Variants in ATRX observed in about 807,000 individuals in gnomAD.
ATRX encodes chromatin remodeler ATRX.
Under a neutral mutation model 172.6 loss-of-function variants are expected in ATRX, and 12 were observed. The observed-to-expected ratio is 0.07, with a 90% CI of 0.04 to 0.11. The LOEUF is 0.11. Among genes scored for constraint, ATRX ranks in the 10% least tolerant of loss-of-function variants. The pLI is 1.00. For synonymous variants in ATRX, 674 were observed against 594.7 expected, an observed-to-expected ratio of 1.13 and a Z score of -1.94; for missense variants, 1,368 against 1,767.4, an observed-to-expected ratio of 0.77 and a Z score of 4.05.
intron 30 of ATRX, among the ~76,000 whole-genome samples, chrX:77,550,244 A>T (rs1457980204): frequency 8.9e-6 from 1 of 111,912 alleles, no homozygotes; most frequent in African/African-American, 3.2e-5. Context: ...AAGTCTAGAT[A>T]AAAGTGCCAA....
At chrX:77,620,579 T>C in intron 19 of ATRX, 47 bp from the exon 20 acceptor site, 3 of 1,066,731 alleles carry the variant, frequency 2.8e-6, no homozygotes, top group Non-Finnish European at 3.8e-6. Context: ...ATAATAAAAC[T>C]GAAAATGTGA....
intron 1 of ATRX, among the ~76,000 whole-genome samples, chrX:77,781,408 C>T (rs1338492878): frequency 2.1e-5 from 2 of 96,552 alleles, no homozygotes; most frequent in Non-Finnish European, 4.1e-5. Flanking sequence ...TGCCACTGTA[C>T]TCCAGCCTGG....
intron 6 of ATRX, among the ~76,000 whole-genome samples, chrX:77,692,008 T>C (rs782306310): frequency 1.8e-5 from 2 of 111,908 alleles, no homozygotes; most frequent in African/African-American, 3.2e-5. Flanking sequence ...CTGAAACTTA[T>C]CAGCTGAGAC....
chrX:77,729,005 C>A (rs782368309), intron 1 of ATRX, among the ~76,000 whole-genome samples: 25 of 108,295 alleles, frequency 2.3e-4, no homozygotes, highest in Admixed American at 2.0e-3. Flanking sequence ...CATGTTCCAC[C>A]TGCCTCAGCC....
intron 1 of ATRX, among the ~76,000 whole-genome samples, chrX:77,766,765 C>T (rs1342620085): frequency 1.7e-4 from 18 of 108,316 alleles, no homozygotes; most frequent in African/African-American, 6.0e-4. Flanking sequence ...GGGCTCCTCA[C>T]ATCCCAGACG....
chrX:77,516,975 A>T (rs1265988695), intron 34 of ATRX, among the ~76,000 whole-genome samples: 1 of 111,572 alleles, frequency 9.0e-6, no homozygotes, highest in Non-Finnish European at 1.9e-5. Flanking sequence ...ATGCTCCTGA[A>T]TGACCAGTGG....
chrX:77,783,795 A>T (rs782228646), intron 1 of ATRX, among the ~76,000 whole-genome samples: 2 of 111,720 alleles, frequency 1.8e-5, no homozygotes, highest in Non-Finnish European at 3.8e-5. Flanking sequence ...CTGAACACCT[A>T]CTTGGAGCTC....
intron 2 of ATRX, 23 bp from the exon 3 acceptor site, chrX:77,698,652 C>T (rs782368230): frequency 8.8e-7 from 1 of 1,137,307 alleles, no homozygotes; most frequent in South Asian, 1.8e-5. Flanking sequence ...AAATAAAGAA[C>T]ATTATTTATC....
chrX:77,584,636 C>T (rs1602653892), intron 27 of ATRX, among the ~76,000 whole-genome samples: 1 of 111,288 alleles, frequency 9.0e-6, no homozygotes, highest in East Asian at 2.8e-4. Context: ...CCCTATCTCT[C>T]GCCATATATA....
At chrX:77,775,740 T>TTTAC (rs1248671894) in intron 1 of ATRX, among the ~76,000 whole-genome samples, 1 of 110,180 alleles carries the variant, frequency 9.1e-6, no homozygotes, top group Non-Finnish European at 1.9e-5. Flanking sequence ...TATTTATTTA[T>TTTAC]TTATTTATTT....
intron 13 of ATRX, 44 bp downstream of exon 13, chrX:77,656,516 A>G (rs782101001): frequency 2.0e-6 from 2 of 1,003,148 alleles, no homozygotes; most frequent in African/African-American, 1.9e-5. Flanking sequence ...AGGCATGGTC[A>G]TTCAGATTAA....
intron 30 of ATRX, 107 bp downstream of exon 30, chrX:77,557,344 G>T: frequency 1.3e-6 from 1 of 761,320 alleles, no homozygotes; most frequent in Non-Finnish European, 2.0e-6. Flanking sequence ...TATTATCCTT[G>T]AAAAATTCTG....
At chrX:77,710,875 C>T (rs1431939394) in intron 2 of ATRX, among the ~76,000 whole-genome samples, 1 of 109,007 alleles carries the variant, frequency 9.2e-6, no homozygotes, top group African/African-American at 3.3e-5. Context: ...TTCTGTATCT[C>T]AACTGTGGTG....
intron 6 of ATRX, among the ~76,000 whole-genome samples, chrX:77,689,658 A>G (rs958165363): frequency 8.0e-5 from 9 of 112,348 alleles, no homozygotes; most frequent in African/African-American, 2.6e-4. Flanking sequence ...AAGAAAACCT[A>G]CAGAAACCTC....
At chrX:77,720,113 G>A (rs2073668461) in intron 1 of ATRX, among the ~76,000 whole-genome samples, 1 of 111,897 alleles carries the variant, frequency 8.9e-6, no homozygotes, top group Non-Finnish European at 1.9e-5. Context: ...CAGAAATAAA[G>A]AAGTTCTTTG....
chrX:77,627,473 G>A (rs1050927996), intron 19 of ATRX, among the ~76,000 whole-genome samples: 2 of 110,392 alleles, frequency 1.8e-5, no homozygotes, highest in Admixed American at 1.9e-4. Context: ...CACCTGTAAT[G>A]CCAGCTACTA....
Position 77,688,944 on chromosome X carries a change from G to C in ATRX, c.485-17C>G, listed in dbSNP as rs193223073. The C allele has an allele frequency of 8.0e-4, 899 of 1,123,644 alleles. 5 individuals are homozygous for C. In the African/African-American group the frequency reaches 0.015, roughly 19 times the overall value. The allele number at this position is 1,123,644 out of a possible 1,213,427, so 92.6% of individuals were successfully genotyped here. ...GCCCATCTTCTAGGAGAAAGGAGTGGCTATTATTCACACATTTATACACAG... is the reference window on the plus strand; with the variant it reads ...GCCCATCTTCTAGGAGAAAGGAGTGCCTATTATTCACACATTTATACACAG... On this transcript the variant is annotated splice_polypyrimidine_tract_variant and intron_variant, in intron 6 of 34. Transcript: ENST00000373344.
At chrX:77,758,825 T>C (rs1334386076) in intron 1 of ATRX, among the ~76,000 whole-genome samples, 4 of 112,058 alleles carry the variant, frequency 3.6e-5, no homozygotes, top group African/African-American at 1.3e-4. Flanking sequence ...TAATCTTTTC[T>C]TTCCATTAAG....
chrX:77,696,816 C>T, intron 4 of ATRX, 112 bp from the exon 5 acceptor site: 2 of 756,262 alleles, frequency 2.6e-6, no homozygotes, highest in Non-Finnish European at 3.9e-6. Flanking sequence ...CAAGGAAGCA[C>T]ATCAGAATCA....
Sources: allele counts gnomAD v4.1 joint callset (sites outside exome capture counted in the v4.1 genomes callset), GRCh38; gene constraint gnomAD v4.1.1; transcripts MANE v1.5; gene names NCBI Gene and HGNC (gene_info 2026-07-23, HGNC 2026-07-21).